Variants in ZC3H3 observed in about 807,000 individuals in gnomAD.
ZC3H3 encodes the protein zinc finger CCCH-type containing 3.
ZC3H3 carries 36 observed loss-of-function variants against 77.3 expected under a neutral mutation model. The ratio of observed to expected loss-of-function variants is 0.47; its 90% CI spans 0.36 to 0.61. ZC3H3 has a LOEUF of 0.61. Ranked by LOEUF, ZC3H3 falls within the 20% of genes least tolerant of loss-of-function variation. The probability of loss-of-function intolerance (pLI) is 0.00; values close to 1 mark genes in which losing one functional copy is unlikely to be tolerated. For missense variants in ZC3H3, 1,331 were observed against 1,312.2 expected (o/e 1.01, Z -0.22); for synonymous variants, 626 against 555.2 (o/e 1.13, Z -1.79).
chr8:143,438,492 C>T (rs1280784661), intron 11 of ZC3H3, among the ~76,000 whole-genome samples: 2 of 152,204 alleles, frequency 1.3e-5, no homozygotes, highest in Middle Eastern at 3.2e-3. Context: ...ACACACGAGG[C>T]GGCCACGATG....
rs763393382 is a variant in ZC3H3, at chr8:143,506,023, A to C, written c.1715+1723T>G. 1.6e-4 allele frequency among the ~76,000 whole-genome samples: 25 copies of C among 152,360 alleles called. No homozygotes were observed. In the Middle Eastern group the frequency reaches 0.01, roughly 62 times the overall value. On this transcript the variant is annotated intron_variant, in intron 4 of 11. Coordinates refer to ENST00000262577, the MANE Select transcript of ZC3H3 (RefSeq NM_015117.3). ...CTGCTCTCAGCCACATGGCGCCGAC[A>C]GGAGGCCCTGGGCGCTGGGCCGGCT...
Position 143,475,410 on chromosome 8 carries a change from G to C in ZC3H3, c.1891C>G (p.Leu631Val), listed in dbSNP as rs1217232541. Residue 631 changes from leucine (L) to valine (V), a missense_variant, in exon 5 of 12, where the codon CTC becomes GTC. By Grantham distance (32) the Leu-to-Val change is conservative. This residue lies in a region of ZC3H3 where 978 missense variants were observed against 915.5 expected (regional missense o/e 1.07). Transcript: ENST00000262577. The part of the protein sequence containing the change: ...GQPSDAGSRP[L>V]LRTGRLDPAG... ...CCTCACCTCTCACCTGTGCGCAGGA[G>C]GGGCCTGCTGCCCGCATCACTGGGC... The C allele has an allele frequency of 1.2e-6, 2 of 1,612,542 alleles. No individual in the cohort carries two copies. The highest frequency in any genetic ancestry group is 1.7e-6 in the Non-Finnish European group (2 of 1,179,732).
At position 143,450,627 on chromosome 8, in the gene ZC3H3, C is replaced by T. The variant is rs148624538; in HGVS notation, c.2308-9507G>A. On this transcript the variant is annotated intron_variant, in intron 9 of 11. Transcript: ENST00000262577. Reference sequence around the variant, plus strand: ...CAAAGGGGAGGCGAGGCACTTCACGCGGCTGAGCAGGTCGAGAGAGGGGGC... The same window carrying T: ...CAAAGGGGAGGCGAGGCACTTCACGTGGCTGAGCAGGTCGAGAGAGGGGGC... 7.6e-4 allele frequency among the ~76,000 whole-genome samples: 116 copies of T among 152,224 alleles called. 1 individual carries two copies. In the East Asian group the frequency reaches 0.019, roughly 24 times the overall value.
intron 4 of ZC3H3, among the ~76,000 whole-genome samples, chr8:143,499,334 A>G (rs1821455487): frequency 6.6e-6 from 1 of 151,890 alleles, no homozygotes; most frequent in Non-Finnish European, 1.5e-5. Context: ...GCATGGTGGG[A>G]GCCGGGAAGG....
Position 143,440,179 on chromosome 8 carries a change from G to A in ZC3H3, c.2677C>T (p.Leu893Phe). 6.2e-7 allele frequency: 1 copy of A among 1,612,090 alleles called. No individual in the cohort carries two copies. The highest frequency in any genetic ancestry group is 1.1e-5 in the South Asian group (1 of 90,792). ...PASLDHEAPS[L>F]QEAALAAACS... The stretch of plus-strand genomic sequence containing the variant: ...GCTGCTGCTAAGGCAGCCTCCTGGA[G>A]AGATGGTGCCTCGTGGTCCAAGGAA... Residue 893 changes from leucine (L) to phenylalanine (F), a missense_variant, in exon 11 of 12, where the codon CTC (leucine) becomes TTC (phenylalanine). By Grantham distance (22) the Leu-to-Phe change is conservative. Around this residue, in one of 3 missense-constraint regions of ZC3H3, gnomAD observed 249 missense variants for 236.9 expected, o/e 1.05. Coordinates refer to ENST00000262577, the MANE Select transcript of ZC3H3 (RefSeq NM_015117.3).
intron 9 of ZC3H3, among the ~76,000 whole-genome samples, chr8:143,444,441 C>G (rs1376533266): frequency 3.9e-5 from 6 of 152,176 alleles, no homozygotes; most frequent in Admixed American, 3.9e-4. Flanking sequence ...GCCAATATCA[C>G]TCATGAAAAG....
At chr8:143,528,224 G>A (rs557743779) in intron 3 of ZC3H3, among the ~76,000 whole-genome samples, 34 of 152,308 alleles carry the variant, frequency 2.2e-4, no homozygotes, top group Admixed American at 1.6e-3. Context: ...TCATCTCTGC[G>A]CAGGGCAGGG....
intron 5 of ZC3H3, among the ~76,000 whole-genome samples, chr8:143,471,495 A>G (rs1293719573): frequency 6.6e-6 from 1 of 152,254 alleles, no homozygotes; most frequent in African/African-American, 2.4e-5. Context: ...AGAACAAGCC[A>G]AGGCCAGCCC....
intron 5 of ZC3H3, among the ~76,000 whole-genome samples, chr8:143,470,564 G>A (rs1005290169): frequency 6.6e-6 from 1 of 152,238 alleles, no homozygotes; most frequent in South Asian, 2.1e-4. Flanking sequence ...GCGGCGGTCT[G>A]TCGGCACTGC....
rs1421968954 is a variant in ZC3H3 at position 143,437,791 on chromosome 8, G to C, written c.*265C>G. On this transcript the variant is annotated 3_prime_UTR_variant, in exon 12 of 12. Coordinates refer to ENST00000262577, the MANE Select transcript of ZC3H3 (RefSeq NM_015117.3). ...GGGCCACTGTTGCCAATGGCAGTCG[G>C]GGACAGGCCTGGAGGCCAGCCCTGC... is the stretch of plus-strand genomic sequence containing the variant. The C allele has an allele frequency of 3.8e-6, 2 of 532,384 alleles. No individual in the cohort carries two copies. The highest frequency in any genetic ancestry group is 6.3e-5 in the East Asian group (2 of 31,500). 33.0% of individuals were successfully genotyped at this position (532,384 alleles called of 1,614,324 possible).
At chr8:143,483,766 G>C (rs569840245) in intron 4 of ZC3H3, among the ~76,000 whole-genome samples, 113 of 152,314 alleles carry the variant, frequency 7.4e-4, no homozygotes, top group African/African-American at 2.7e-3. Context: ...TCACAAGTCT[G>C]GCCCCCTATC....
At chr8:143,440,389 G>T in intron 10 of ZC3H3, 26 bp from the exon 11 acceptor site, 1 of 1,500,842 alleles carries the variant, frequency 6.7e-7, no homozygotes, top group South Asian at 1.3e-5. Flanking sequence ...GGGCAGACGT[G>T]TGAGGTGGGG....
At chr8:143,454,396 T>C (rs927494362) in intron 9 of ZC3H3, among the ~76,000 whole-genome samples, 3 of 151,100 alleles carry the variant, frequency 2.0e-5, no homozygotes, top group Non-Finnish European at 2.9e-5. Context: ...TGGCCAACAA[T>C]TCATAATTTT....
chr8:143,513,118 G>A (rs922561040), intron 3 of ZC3H3, among the ~76,000 whole-genome samples: 5 of 152,126 alleles, frequency 3.3e-5, no homozygotes, highest in African/African-American at 9.7e-5. Context: ...GGCCAGACCC[G>A]CCCTGTGCTG....
At chr8:143,439,779 G>T (rs1448539000) in intron 11 of ZC3H3, among the ~76,000 whole-genome samples, 2 of 152,238 alleles carry the variant, frequency 1.3e-5, no homozygotes, top group Admixed American at 1.3e-4. Context: ...GTCTGAGGGG[G>T]CATTTAAAGC....
At chr8:143,461,261 C>T (rs1217276048) in intron 9 of ZC3H3, among the ~76,000 whole-genome samples, 4 of 152,140 alleles carry the variant, frequency 2.6e-5, no homozygotes, top group African/African-American at 7.2e-5. Flanking sequence ...AGGTGCTCTG[C>T]GCATCCAGGC....
chr8:143,486,686 C>A (rs1380371436), intron 4 of ZC3H3, among the ~76,000 whole-genome samples: 1 of 151,898 alleles, frequency 6.6e-6, no homozygotes, highest in Non-Finnish European at 1.5e-5. Flanking sequence ...GAAGCTCACA[C>A]ACAAAACAGC....
chr8:143,507,862 G>A lies in ZC3H3; in HGVS notation c.1599C>T (p.Ser533=). ...TGCGGTAGCGGGTCTTGATCACCTT[G>A]CTGGTGGGTGCAGTCCGCACGGCAT... The part of the protein sequence containing the change: ...SLHAVRTAPT[S]KVIKTRYRIV... The change falls in exon 4 of 12, where the codon AGC becomes AGT. Residue 533 remains serine (S), a synonymous_variant. Coordinates refer to ENST00000262577, the MANE Select transcript of ZC3H3 (RefSeq NM_015117.3). The A allele has an allele frequency of 6.2e-7, 1 of 1,609,462 alleles. No individual in the cohort carries two copies. Among genetic ancestry groups the A allele is most frequent in the South Asian group, 1.1e-5 (1 of 90,706 alleles).
intron 4 of ZC3H3, among the ~76,000 whole-genome samples, chr8:143,497,612 A>G (rs547329709): frequency 6.6e-6 from 1 of 152,340 alleles, no homozygotes; most frequent in South Asian, 2.1e-4. Flanking sequence ...GTCCTGGAGT[A>G]GGCAGAGCAC....
Sources: gnomAD v4.1 joint callset for allele counts (sites outside exome capture counted in the v4.1 genomes callset) on GRCh38, gnomAD v4.1.1 for gene constraint, gnomAD v4.1.1 regional missense constraint, MANE v1.5 for transcripts, NCBI Gene and HGNC (gene_info 2026-07-23, HGNC 2026-07-21) for gene names.